AXIN2: variants seen among roughly 807,000 people sequenced by gnomAD.
The protein encoded by AXIN2 is axin-2.
Under a neutral mutation model 74.7 loss-of-function variants are expected in AXIN2, and 21 were observed. That is an observed-to-expected ratio of 0.28 (90% CI 0.20 to 0.40). The LOEUF (loss-of-function observed/expected upper bound fraction) is 0.40. Ranked by LOEUF, AXIN2 falls within the 10% of genes least tolerant of loss-of-function variation. The probability of loss-of-function intolerance (pLI) is 1.00; values close to 1 mark genes in which losing one functional copy is unlikely to be tolerated. For missense variants in AXIN2, 1,144 were observed against 1,111.1 expected (o/e 1.03, Z -0.42); for synonymous variants, 532 against 454.9 (o/e 1.17, Z -2.16).
intron 10 of AXIN2, among the ~76,000 whole-genome samples, chr17:65,532,720 C>T (rs2043843932): frequency 6.6e-6 from 1 of 152,248 alleles, no homozygotes. Context: ...AGCCCATGCC[C>T]ACCTGGCAGG....
rs367697282 is a variant in AXIN2 at position 65,537,558 on chromosome 17, G to A, written c.1478C>T (p.Ser493Leu). The A allele has an allele frequency of 1.2e-6, 2 of 1,611,834 alleles. No homozygotes were observed. Among genetic ancestry groups the A allele is most frequent in the Non-Finnish European group, 1.7e-6 (2 of 1,179,504 alleles). The change falls in exon 6 of 11, where the codon TCG becomes TTG. Residue 493 changes from serine (S) to leucine (L), a missense_variant. Ser to Leu is a moderately radical substitution (Grantham distance 145). Coordinates refer to ENST00000307078, the MANE Select transcript of AXIN2 (RefSeq NM_004655.4). ...CCCGAGGAGGGGGCAGGCGCCCGGC[G>A]AGGCGGCCGCGGGAGGCAGCTTGCC... ...PGGKLPPAAA[S>L]PGACPLLGGK...
chr17:65,555,980 CTT>C (rs989915847), intron 2 of AXIN2, among the ~76,000 whole-genome samples: 3 of 152,064 alleles, frequency 2.0e-5, no homozygotes, highest in African/African-American at 7.2e-5. Flanking sequence ...GCTGTCACCT[CTT>C]TATCAGTGAT....
intron 2 of AXIN2, among the ~76,000 whole-genome samples, chr17:65,556,470 A>G (rs1437564951): frequency 2.0e-5 from 3 of 152,334 alleles, no homozygotes; most frequent in East Asian, 3.9e-4. Flanking sequence ...AAAGACACTG[A>G]AACACCTCCC....
At position 65,529,757 on chromosome 17, in the gene AXIN2, A is replaced by C. The variant is rs998389957; in HGVS notation, c.*219T>G. On this transcript the variant is annotated 3_prime_UTR_variant, in exon 11 of 11. Transcript: ENST00000307078. ...AAGAGTGGTCATGTTTTTAATAAAT[A>C]GTTCAGGCTTTTCTTATCTCAGTCA... 2 of 642,164 alleles carry C rather than the reference A, an allele frequency of 3.1e-6. No individual in the cohort carries two copies. Among genetic ancestry groups the C allele is most frequent in the Non-Finnish European group, 5.3e-6 (2 of 380,442 alleles). The allele number at this position is 642,164 out of a possible 1,614,324, so 39.8% of individuals were successfully genotyped here.
At position 65,558,487 on chromosome 17, in the gene AXIN2, A is replaced by ACCTGGC. The variant is rs772061457; in HGVS notation, c.128_133dup (p.Gly43_Gln44dup). The ACCTGGC allele has an allele frequency of 6.8e-6, 11 of 1,610,908 alleles. No homozygotes were observed. The East Asian group carries it at 2.5e-4, about 36-fold the overall frequency. ...GGAAGAGACAGGCATGGGTTTGGTG[A>ACCTGGC]CCTGGCCCTTGCCCACCCCTGGCTG... is the stretch of plus-strand genomic sequence containing the variant. On this transcript the variant is annotated inframe_insertion, in exon 2 of 11. Transcript: ENST00000307078.
intron 1 of AXIN2, chr17:65,561,167 A>G (rs1173088405): frequency 2.0e-5 from 3 of 149,794 alleles, no homozygotes; most frequent in African/African-American, 7.3e-5. Context: ...GGCGCTTCCA[A>G]CAAAAACTGC....
At chr17:65,544,382 C>A (rs945414155) in intron 3 of AXIN2, among the ~76,000 whole-genome samples, 1 of 147,142 alleles carries the variant, frequency 6.8e-6, no homozygotes, top group Non-Finnish European at 1.5e-5. Context: ...CCCCCCATCC[C>A]CCACCACCAC....
chr17:65,533,950 G>T lies in AXIN2; in HGVS notation c.2367C>A (p.Gly789=). Residue 789 remains glycine, a synonymous_variant, in exon 10 of 11, where the codon GGC becomes GGA. Transcript: ENST00000307078. ...RMLKAQSLTL[G]HFKEQLSKKG... ...TTTTGCTGAGCTGCTCTTTAAAGTGGCCCAGGGTCAAGCTCTGAGCCTTCA... is the reference window on the plus strand; with the variant it reads ...TTTTGCTGAGCTGCTCTTTAAAGTGTCCCAGGGTCAAGCTCTGAGCCTTCA... The T allele has an allele frequency of 6.2e-7, 1 of 1,614,134 alleles. No individual in the cohort carries two copies. Among genetic ancestry groups the T allele is most frequent in the Non-Finnish European group, 8.5e-7 (1 of 1,180,008 alleles).
chr17:65,544,307 G>T (rs1041892266), intron 3 of AXIN2, among the ~76,000 whole-genome samples: 15 of 151,506 alleles, frequency 9.9e-5, no homozygotes, highest in Non-Finnish European at 2.1e-4. Context: ...GATGGGGAGG[G>T]GAGTAGATAA....
At chr17:65,552,972 G>A (rs1418028587) in intron 2 of AXIN2, among the ~76,000 whole-genome samples, 1 of 152,058 alleles carries the variant, frequency 6.6e-6, no homozygotes, top group African/African-American at 2.4e-5. Context: ...AGGTTGTGGT[G>A]AGCAGAGATC....
intron 10 of AXIN2, among the ~76,000 whole-genome samples, chr17:65,532,513 C>T (rs1284588528): frequency 6.6e-6 from 1 of 152,226 alleles, no homozygotes; most frequent in East Asian, 1.9e-4. Context: ...ACTATCCAGA[C>T]CCAGCAACAC....
intron 2 of AXIN2, among the ~76,000 whole-genome samples, chr17:65,555,468 A>G (rs2044253630): frequency 6.6e-6 from 1 of 152,220 alleles, no homozygotes; most frequent in African/African-American, 2.4e-5. Context: ...CTTACAATGG[A>G]AAATGGGCTA....
chr17:65,535,506 T>C (rs1399986290), intron 9 of AXIN2, 120 bp downstream of exon 9: 3 of 957,904 alleles, frequency 3.1e-6, no homozygotes, highest in Non-Finnish European at 3.3e-6. Context: ...TCACTAGCGC[T>C]AAAATCAAAG....
intron 10 of AXIN2, among the ~76,000 whole-genome samples, chr17:65,531,122 T>C (rs1017604715): frequency 6.6e-6 from 1 of 151,806 alleles, no homozygotes; most frequent in African/African-American, 2.4e-5. Context: ...CACAGTCCCC[T>C]GGGGGGATGG....
intron 3 of AXIN2, among the ~76,000 whole-genome samples, chr17:65,548,134 A>G (rs576596164): frequency 9.8e-5 from 15 of 152,360 alleles, no homozygotes; most frequent in African/African-American, 3.4e-4. Flanking sequence ...TATTGGATGA[A>G]AGATGTGTAC....
intron 2 of AXIN2, among the ~76,000 whole-genome samples, chr17:65,553,828 G>A (rs2044226815): frequency 9.4e-6 from 1 of 106,388 alleles, no homozygotes; most frequent in African/African-American, 3.6e-5. Flanking sequence ...GTTTTCTTGT[G>A]ATTACTTAAA....
intron 4 of AXIN2, among the ~76,000 whole-genome samples, chr17:65,539,637 G>A (rs2044011725): frequency 6.6e-6 from 1 of 152,216 alleles, no homozygotes; most frequent in Non-Finnish European, 1.5e-5. Flanking sequence ...TTTAAAACAA[G>A]GTAAGTCTGC....
intron 2 of AXIN2, among the ~76,000 whole-genome samples, chr17:65,557,081 G>A (rs1224213934): frequency 2.6e-5 from 4 of 152,080 alleles, no homozygotes; most frequent in Non-Finnish European, 4.4e-5. Context: ...CAGTACTCCC[G>A]GGCCAAGATC....
At chr17:65,548,873 A>G (rs1015396567) in intron 3 of AXIN2, among the ~76,000 whole-genome samples, 1 of 152,228 alleles carries the variant, frequency 6.6e-6, no homozygotes. Flanking sequence ...CTGTCTGCCA[A>G]AGATCCAGAT....
Sources: allele counts gnomAD v4.1 joint callset (sites outside exome capture counted in the v4.1 genomes callset), GRCh38; gene constraint gnomAD v4.1.1; transcripts MANE v1.5; gene names NCBI Gene and HGNC (gene_info 2026-07-23, HGNC 2026-07-21).